Variants in METTL25 observed in about 807,000 individuals in gnomAD.
METTL25 encodes the protein probable methyltransferase-like protein 25.
METTL25 carries 64 observed loss-of-function variants against 71.6 expected under a neutral mutation model. The ratio of observed to expected loss-of-function variants is 0.89; its 90% CI spans 0.73 to 1.10. METTL25 has a LOEUF of 1.10. Ranked by LOEUF, METTL25 falls within the 50% of genes least tolerant of loss-of-function variation. The probability of loss-of-function intolerance (pLI) is 0.00; values close to 1 mark genes in which losing one functional copy is unlikely to be tolerated. For synonymous variants in METTL25, 287 were observed against 250.3 expected, an observed-to-expected ratio of 1.15 and a Z score of -1.38; for missense variants, 807 against 707.0, an observed-to-expected ratio of 1.14 and a Z score of -1.60.
intron 8 of METTL25, among the ~76,000 whole-genome samples, chr12:82,440,408 T>A (rs1280928202): frequency 6.6e-6 from 1 of 151,988 alleles, no homozygotes; most frequent in Non-Finnish European, 1.5e-5. Context: ...TCCCACCAAT[T>A]CTATTCTTTT....
chr12:82,385,476 C>CT (rs1884892295), intron 1 of METTL25, among the ~76,000 whole-genome samples: 1 of 152,064 alleles, frequency 6.6e-6, no homozygotes, highest in African/African-American at 2.4e-5. Flanking sequence ...TCATTTAAGC[C>CT]TTTAAGATGT....
intron 2 of METTL25, among the ~76,000 whole-genome samples, chr12:82,389,134 T>C (rs1247708732): frequency 6.6e-6 from 1 of 152,088 alleles, no homozygotes; most frequent in Non-Finnish European, 1.5e-5. Context: ...CATTTTAATA[T>C]ACTTTATAAT....
chr12:82,378,660 T>C (rs556546955), intron 1 of METTL25, among the ~76,000 whole-genome samples: 1 of 152,302 alleles, frequency 6.6e-6, no homozygotes, highest in East Asian at 1.9e-4. Flanking sequence ...CAAAATCCCT[T>C]ATTAGTAATT....
Position 82,426,985 on chromosome 12 carries a change from C to T in METTL25, c.1280-3908C>T, listed in dbSNP as rs565289718. ...TATTCATATTAGCTACCACCAGAGC[C>T]TGAGGACTCACAGCTCGTTTCTTAT... is the stretch of plus-strand genomic sequence containing the variant. On this transcript the variant is annotated intron_variant, in intron 5 of 11. Coordinates refer to ENST00000248306, the MANE Select transcript of METTL25 (RefSeq NM_032230.3). Among the ~76,000 whole-genome samples the T allele has an allele frequency of 3.3e-5, 5 of 152,048 alleles. No homozygotes were observed. The South Asian group carries it at 1.0e-3, about 32-fold the overall frequency.
At chr12:82,464,561 G>C (rs555899235) in intron 9 of METTL25, among the ~76,000 whole-genome samples, 1 of 151,876 alleles carries the variant, frequency 6.6e-6, no homozygotes, top group Non-Finnish European at 1.5e-5. Context: ...TTCCAGCTTT[G>C]TTCTTTTGGT....
At chr12:82,460,940 G>A (rs1891828704) in intron 9 of METTL25, among the ~76,000 whole-genome samples, 1 of 152,152 alleles carries the variant, frequency 6.6e-6, no homozygotes, top group Non-Finnish European at 1.5e-5. Context: ...TTAGGAGATG[G>A]AGACCATCCT....
At chr12:82,395,075 A>T (rs1885949604) in intron 3 of METTL25, among the ~76,000 whole-genome samples, 1 of 151,916 alleles carries the variant, frequency 6.6e-6, no homozygotes, top group South Asian at 2.1e-4. Flanking sequence ...CCTGAATGAG[A>T]CTGGAAGCCA....
At chr12:82,396,427 G>C (rs1360500380) in intron 3 of METTL25, among the ~76,000 whole-genome samples, 1 of 151,922 alleles carries the variant, frequency 6.6e-6, no homozygotes, top group Non-Finnish European at 1.5e-5. Flanking sequence ...ATTTAATTAC[G>C]GTTATGCATT....
chr12:82,392,250 C>A (rs1347865056), intron 3 of METTL25, among the ~76,000 whole-genome samples: 3 of 130,062 alleles, frequency 2.3e-5, no homozygotes, highest in Admixed American at 7.9e-5. Flanking sequence ...TGCTATCCCT[C>A]CCCCCTCCCC....
intron 5 of METTL25, among the ~76,000 whole-genome samples, chr12:82,407,550 C>G (rs1887200504): frequency 6.6e-6 from 1 of 152,108 alleles, no homozygotes; most frequent in Non-Finnish European, 1.5e-5. Flanking sequence ...GTGGGGAAAG[C>G]TAATAGTAAT....
At chr12:82,396,703 ACTAGCATAATTAAGAATATACCTATCCTC>A (rs1886113534) in intron 3 of METTL25, among the ~76,000 whole-genome samples, 1 of 152,112 alleles carries the variant, frequency 6.6e-6, no homozygotes, top group African/African-American at 2.4e-5. Flanking sequence ...TAATGTAACC[ACTAGCATAATTAAGAATATACCTATCCTC>A]CTAAAAACTT....
At chr12:82,464,583 T>G (rs1212968396) in intron 9 of METTL25, among the ~76,000 whole-genome samples, 1 of 152,048 alleles carries the variant, frequency 6.6e-6, no homozygotes, top group Non-Finnish European at 1.5e-5. Flanking sequence ...CAAGATTGCT[T>G]TGGCTATTCT....
chr12:82,478,920 A>T lies in METTL25; in HGVS notation c.1720-12A>T. ...AAATGGTTGTATATCTAAATCACTTATTAATTTACAGGAAGATATTGCATG... is the reference window on the plus strand; with the variant it reads ...AAATGGTTGTATATCTAAATCACTTTTTAATTTACAGGAAGATATTGCATG... On this transcript the variant is annotated splice_polypyrimidine_tract_variant and intron_variant, in intron 11 of 11. Transcript: ENST00000248306. The T allele has an allele frequency of 1.2e-6, 2 of 1,604,320 alleles. No homozygotes were observed. Among genetic ancestry groups the T allele is most frequent in the Non-Finnish European group, 1.7e-6 (2 of 1,172,564 alleles).
intron 9 of METTL25, among the ~76,000 whole-genome samples, chr12:82,476,132 T>A (rs1466462716): frequency 6.6e-6 from 1 of 152,014 alleles, no homozygotes; most frequent in Non-Finnish European, 1.5e-5. Flanking sequence ...TTCAACATAC[T>A]ATAGGTATTT....
intron 2 of METTL25, among the ~76,000 whole-genome samples, chr12:82,388,580 A>G (rs1224885332): frequency 6.6e-6 from 1 of 151,982 alleles, no homozygotes; most frequent in Non-Finnish European, 1.5e-5. Flanking sequence ...CCCCCAATGT[A>G]TAAAGTTTAA....
chr12:82,396,177 T>G lies in METTL25; in HGVS notation c.532-2618T>G, dbSNP rs146985514. ...ACCATCTAGGTTTCCATAAGCACAC[T>G]CAAAGATGTTTGCACAACAAAATTT... On this transcript the variant is annotated intron_variant, in intron 3 of 11. Coordinates refer to ENST00000248306, the MANE Select transcript of METTL25 (RefSeq NM_032230.3). 2.1e-3 allele frequency among the ~76,000 whole-genome samples: 321 copies of G among 152,206 alleles called. 1 individual carries two copies. Among genetic ancestry groups the G allele is most frequent in the African/African-American group, 7.1e-3 (295 of 41,548 alleles).
chr12:82,375,300 G>A (rs1883716969), intron 1 of METTL25, among the ~76,000 whole-genome samples: 1 of 152,086 alleles, frequency 6.6e-6, no homozygotes, highest in Non-Finnish European at 1.5e-5. Flanking sequence ...TATAAAAGAG[G>A]TACAAGGAAG....
chr12:82,370,121 A>G (rs1470655552), intron 1 of METTL25, among the ~76,000 whole-genome samples: 2 of 152,070 alleles, frequency 1.3e-5, no homozygotes, highest in Admixed American at 1.3e-4. Flanking sequence ...TTCCTGCTGG[A>G]TAGGGGTGAA....
At chr12:82,438,321 C>A (rs1370854226) in intron 7 of METTL25, among the ~76,000 whole-genome samples, 1 of 151,676 alleles carries the variant, frequency 6.6e-6, no homozygotes, top group Non-Finnish European at 1.5e-5. Flanking sequence ...ATTCCACCTC[C>A]ATTAAGACAA....
Sources: allele counts gnomAD v4.1 joint callset (sites outside exome capture counted in the v4.1 genomes callset), GRCh38; gene constraint gnomAD v4.1.1; transcripts MANE v1.5; gene names NCBI Gene and HGNC (gene_info 2026-07-23, HGNC 2026-07-21).